CNTLN: variants seen among roughly 807,000 people sequenced by gnomAD.
The protein encoded by CNTLN is centlein, centrosomal protein.
In CNTLN, 212 loss-of-function variants were observed where a neutral mutation model predicts 180.0. The ratio of observed to expected loss-of-function variants is 1.18; its 90% CI spans 1.05 to 1.32. CNTLN has a LOEUF of 1.32. Among genes scored for constraint, CNTLN ranks in the 40% most tolerant of loss-of-function variants. The pLI is 0.00. For missense variants in CNTLN, 2,095 were observed against 1,610.9 expected (o/e 1.30, Z -5.14); for synonymous variants, 722 against 563.1 (o/e 1.28, Z -3.99).
At chr9:17,472,845 C>T (rs1265913548) in intron 23 of CNTLN, among the ~76,000 whole-genome samples, 1 of 152,090 alleles carries the variant, frequency 6.6e-6, no homozygotes, top group East Asian at 1.9e-4. Context: ...TCTTTTTGTG[C>T]TCATAGTGCA....
intron 2 of CNTLN, among the ~76,000 whole-genome samples, chr9:17,215,643 C>T (rs994859007): frequency 4.6e-5 from 7 of 152,136 alleles, no homozygotes; most frequent in African/African-American, 1.7e-4. Context: ...ATGCCCTGCC[C>T]CCAGGGGTGG....
chr9:17,317,592 G>A (rs1238580210), intron 8 of CNTLN, among the ~76,000 whole-genome samples: 1 of 152,120 alleles, frequency 6.6e-6, no homozygotes, highest in Non-Finnish European at 1.5e-5. Flanking sequence ...TAAGTGCTAT[G>A]GAGAAAAATA....
rs1391609294 is a variant in CNTLN at position 17,359,736 on chromosome 9, A to AAAACAAAACAAAAAACAAAAAC, written c.1887-6878_1887-6877insCAAAACAAAAAACAAAAACAAA. ...CTATACTAAAAATACAAAAAAAAAAAAAAAAAAAAAAAAACTAGCTGGGTG... is the reference window on the plus strand; with the variant it reads ...CTATACTAAAAATACAAAAAAAAAAAAAACAAAACAAAAAACAAAAACAAAAAAAAAAAAAACTAGCTGGGTG... On this transcript the variant is annotated intron_variant, in intron 12 of 25. Transcript: ENST00000380647. Among the ~76,000 whole-genome samples the AAAACAAAACAAAAAACAAAAAC allele has an allele frequency of 1.7e-3, 196 of 112,548 alleles. 5 individuals carry two copies. The highest frequency in any genetic ancestry group is 3.8e-3 in the Admixed American group (41 of 10,726). The allele number at this position is 112,548 out of a possible 152,430, so 73.8% of individuals were successfully genotyped here. A position where few individuals can be genotyped will look rare whatever the true frequency, so the allele number is the denominator to read the frequency against.
rs991281221 is a variant in CNTLN at position 17,290,194 on chromosome 9, A to G, written c.984-7996A>G. 3.1e-3 allele frequency among the ~76,000 whole-genome samples: 467 copies of G among 152,006 alleles called. 1 individual carries two copies. Among genetic ancestry groups the G allele is most frequent in the Non-Finnish European group, 4.4e-3 (297 of 67,954 alleles). ...ATGTACAGATGGGTTTTTGGTGTGG[A>G]TGTCCTTTCTGTTTGTTAGTTTTCC... On this transcript the variant is annotated intron_variant, in intron 6 of 25. Coordinates refer to ENST00000380647, the MANE Select transcript of CNTLN (RefSeq NM_017738.4).
At chr9:17,357,565 A>G (rs867383706) in intron 12 of CNTLN, among the ~76,000 whole-genome samples, 4 of 144,240 alleles carry the variant, frequency 2.8e-5, no homozygotes. Context: ...TACCATGTAT[A>G]TATATAAATA....
At chr9:17,267,817 C>T (rs1023769071) in intron 5 of CNTLN, among the ~76,000 whole-genome samples, 1 of 152,184 alleles carries the variant, frequency 6.6e-6, no homozygotes. Flanking sequence ...ACCCTTTCTT[C>T]CAGTTGATCG....
At chr9:17,263,617 C>T (rs1445747501) in intron 5 of CNTLN, among the ~76,000 whole-genome samples, 2 of 146,988 alleles carry the variant, frequency 1.4e-5, no homozygotes, top group African/African-American at 5.2e-5. Flanking sequence ...GGAATTGCCA[C>T]ACTGACTTCC....
rs113310226 is a variant in CNTLN, at chr9:17,299,743, A to G, written c.1146+1391A>G. The G allele has an allele frequency of 5.2e-3, 5,120 of 983,080 alleles. 237 individuals are homozygous for G. The African/African-American group carries it at 0.083, about 16-fold the overall frequency. The allele number at this position is 983,080 out of a possible 1,614,324, so 60.9% of individuals were successfully genotyped here. A position where few individuals can be genotyped will look rare whatever the true frequency, so the allele number is the denominator to read the frequency against. On this transcript the variant is annotated intron_variant, in intron 7 of 25. Coordinates refer to ENST00000380647, the MANE Select transcript of CNTLN (RefSeq NM_017738.4). ...AAAATGATTTGAAACACTGTACTTT[A>G]TTAATACTTGTTAATTGTTATTAAT...
At chr9:17,496,130 C>T (rs1357453417) in intron 25 of CNTLN, among the ~76,000 whole-genome samples, 1 of 152,128 alleles carries the variant, frequency 6.6e-6, no homozygotes, top group East Asian at 1.9e-4. Flanking sequence ...CATCCAGATT[C>T]TGGAGCAACA....
intron 2 of CNTLN, among the ~76,000 whole-genome samples, chr9:17,211,400 G>T (rs1023377194): frequency 6.6e-6 from 1 of 151,762 alleles, no homozygotes; most frequent in Non-Finnish European, 1.5e-5. Flanking sequence ...GCTCTGTTCC[G>T]TTCCATTGGT....
rs549852883 is a variant in CNTLN, at chr9:17,290,402, C to G, written c.984-7788C>G. On this transcript the variant is annotated intron_variant, in intron 6 of 25. Coordinates refer to ENST00000380647, the MANE Select transcript of CNTLN (RefSeq NM_017738.4). ...CAGCTGCGTGCTGGGAGAACCACTG[C>G]TCTCTTCAAAGCTGTCAGACAGGGA... Among the ~76,000 whole-genome samples, 21 of 149,290 alleles carry G rather than the reference C, an allele frequency of 1.4e-4. No homozygotes were observed. The South Asian group carries it at 2.3e-3, about 16-fold the overall frequency.
chr9:17,449,110 A>G (rs1425338998), intron 18 of CNTLN, among the ~76,000 whole-genome samples: 1 of 152,218 alleles, frequency 6.6e-6, no homozygotes, highest in Non-Finnish European at 1.5e-5. Context: ...ATATTACCAT[A>G]TAAACATTGA....
chr9:17,444,952 A>T (rs1270241983), intron 18 of CNTLN, among the ~76,000 whole-genome samples: 1 of 152,152 alleles, frequency 6.6e-6, no homozygotes, highest in East Asian at 1.9e-4. Flanking sequence ...TCTTTTTTCT[A>T]TATAAAGGAA....
intron 2 of CNTLN, among the ~76,000 whole-genome samples, chr9:17,207,152 C>A (rs1822982182): frequency 6.6e-6 from 1 of 152,214 alleles, no homozygotes; most frequent in African/African-American, 2.4e-5. Flanking sequence ...AAATGTGTGT[C>A]TCTATTTTCC....
the CNTLN span, among the ~76,000 whole-genome samples, chr9:17,512,983 ATT>A: frequency 2.6e-5 from 4 of 151,656 alleles, no homozygotes; most frequent in East Asian, 7.8e-4. Context: ...TGCCCAGCTA[ATT>A]TTTTTTGTAT....
At chr9:17,190,648 A>C (rs1256667664) in intron 2 of CNTLN, among the ~76,000 whole-genome samples, 1 of 152,154 alleles carries the variant, frequency 6.6e-6, no homozygotes, top group African/African-American at 2.4e-5. Context: ...AATTTATGCA[A>C]AAACATCTCT....
At chr9:17,490,211 G>C (rs1160498838) in intron 25 of CNTLN, among the ~76,000 whole-genome samples, 2 of 152,220 alleles carry the variant, frequency 1.3e-5, no homozygotes, top group East Asian at 3.9e-4. Context: ...TGGTTGGAGA[G>C]AGGAGACTGG....
At position 17,198,534 on chromosome 9, in the gene CNTLN, A is replaced by ATT. The variant is rs71304884; in HGVS notation, c.450-27652_450-27651dup. On this transcript the variant is annotated intron_variant, in intron 2 of 25. Coordinates refer to ENST00000380647, the MANE Select transcript of CNTLN (RefSeq NM_017738.4). ...CATTGTACATGGGATTACTTTCTTG[A>ATT]TTTTTTTTTTTTTTTTTTAGATTAT... 4.0e-3 allele frequency among the ~76,000 whole-genome samples: 391 copies of ATT among 98,058 alleles called. 4 individuals are homozygous for ATT. The highest frequency in any genetic ancestry group is 0.014 in the African/African-American group (370 of 26,664). 64.3% of individuals were successfully genotyped at this position (98,058 alleles called of 152,430 possible). A position where few individuals can be genotyped will look rare whatever the true frequency, so the allele number is the denominator to read the frequency against.
rs572909564 is a variant in CNTLN at position 17,406,079 on chromosome 9, C to T, written c.2616-3214C>T. On this transcript the variant is annotated intron_variant, in intron 15 of 25. Coordinates refer to ENST00000380647, the MANE Select transcript of CNTLN (RefSeq NM_017738.4). Reference sequence around the variant, plus strand: ...TACAAATTCCTGGGCTTTACCCCACCAAGCCTATTTCAGCTGCTGTCTTCC... The same window carrying T: ...TACAAATTCCTGGGCTTTACCCCACTAAGCCTATTTCAGCTGCTGTCTTCC... Among the ~76,000 whole-genome samples the T allele has an allele frequency of 7.2e-5, 11 of 151,922 alleles. No individual in the cohort carries two copies. In the South Asian group the frequency reaches 2.1e-3, roughly 29 times the overall value.
Sources: gnomAD v4.1 joint callset for allele counts (sites outside exome capture counted in the v4.1 genomes callset) on GRCh38, gnomAD v4.1.1 for gene constraint, MANE v1.5 for transcripts, NCBI Gene and HGNC (gene_info 2026-07-23, HGNC 2026-07-21) for gene names.